NPAS2: variants seen among roughly 807,000 people sequenced by gnomAD.
The protein encoded by NPAS2 is neuronal PAS domain protein 2.
NPAS2 carries 23 observed loss-of-function variants against 107.5 expected under a neutral mutation model. The ratio of observed to expected loss-of-function variants is 0.21; its 90% CI spans 0.15 to 0.30. NPAS2 has a LOEUF of 0.30. Among genes scored for constraint, NPAS2 ranks in the 10% least tolerant of loss-of-function variants. The probability of loss-of-function intolerance (pLI) is 1.00; values close to 1 mark genes in which losing one functional copy is unlikely to be tolerated. For synonymous variants in NPAS2, 403 were observed against 417.5 expected (o/e 0.97, Z 0.42); for missense variants, 756 against 1,043.3 (o/e 0.72, Z 3.79).
rs1676525065 is a variant in NPAS2 at position 100,971,167 on chromosome 2, A to G, written c.1140+93A>G. 7.5e-6 allele frequency: 9 copies of G among 1,197,120 alleles called. 1 individual carries two copies. In the South Asian group the frequency reaches 1.1e-4, roughly 14 times the overall value. 74.2% of individuals were successfully genotyped at this position (1,197,120 alleles called of 1,614,324 possible). Reference sequence around the variant, plus strand: ...CTGAAACAAGGGTTTCTTTTCATCAATGGAAGGGTACAACCAAGCTATTCA... The same window carrying G: ...CTGAAACAAGGGTTTCTTTTCATCAGTGGAAGGGTACAACCAAGCTATTCA... On this transcript the variant is annotated intron_variant, in intron 12 of 20. Transcript: ENST00000335681.
At chr2:100,875,927 T>C (rs959219971) in intron 1 of NPAS2, among the ~76,000 whole-genome samples, 5 of 151,976 alleles carry the variant, frequency 3.3e-5, no homozygotes, top group Non-Finnish European at 5.9e-5. Context: ...AGAAGGGAAA[T>C]GGGAGGATGG....
At chr2:100,957,870 G>A (rs1287999011) in intron 7 of NPAS2, among the ~76,000 whole-genome samples, 4 of 152,228 alleles carry the variant, frequency 2.6e-5, no homozygotes, top group East Asian at 1.9e-4. Flanking sequence ...GGAGCTTGCC[G>A]TGAGCTGAGA....
chr2:100,906,744 A>G (rs1376036270), intron 2 of NPAS2, among the ~76,000 whole-genome samples: 1 of 152,194 alleles, frequency 6.6e-6, no homozygotes, highest in African/African-American at 2.4e-5. Flanking sequence ...GGTAGCCAGC[A>G]TTCGCTGGGT....
At chr2:100,939,632 C>T (rs1327235817) in intron 5 of NPAS2, among the ~76,000 whole-genome samples, 1 of 152,078 alleles carries the variant, frequency 6.6e-6, no homozygotes, top group Non-Finnish European at 1.5e-5. Context: ...GGCAAGGGCT[C>T]GGCAGTGGTA....
intron 1 of NPAS2, among the ~76,000 whole-genome samples, chr2:100,883,703 A>G (rs1224522657): frequency 1.3e-5 from 2 of 152,104 alleles, no homozygotes; most frequent in East Asian, 1.9e-4. Context: ...AGAATAGTAC[A>G]TGAGCTAAAC....
chr2:100,949,712 C>T lies in NPAS2; in HGVS notation c.598+232C>T, dbSNP rs536978166. On this transcript the variant is annotated intron_variant, in intron 7 of 20. Transcript: ENST00000335681. Reference sequence around the variant, plus strand: ...CAGTGCACACAGTCCCACTGAAACACACATTATTCATTTATTTATCTTCGG... The same window carrying T: ...CAGTGCACACAGTCCCACTGAAACATACATTATTCATTTATTTATCTTCGG... Among the ~76,000 whole-genome samples, 5 of 152,300 alleles carry T rather than the reference C, an allele frequency of 3.3e-5. No individual in the cohort carries two copies. The South Asian group carries it at 8.3e-4, about 25-fold the overall frequency.
intron 4 of NPAS2, among the ~76,000 whole-genome samples, chr2:100,934,432 C>A (rs1684176692): frequency 6.6e-6 from 1 of 151,912 alleles, no homozygotes; most frequent in Non-Finnish European, 1.5e-5. Flanking sequence ...ATTCAGGAGA[C>A]TGGAATTTCT....
chr2:100,839,111 T>C (rs2104409585), intron 1 of NPAS2, among the ~76,000 whole-genome samples: 1 of 152,262 alleles, frequency 6.6e-6, no homozygotes, highest in East Asian at 1.9e-4. Context: ...ATGATGAGGA[T>C]GAAGACTTGT....
chr2:100,985,574 T>C (rs754084120), intron 16 of NPAS2: 3 of 152,258 alleles, frequency 2.0e-5, no homozygotes, highest in African/African-American at 7.2e-5. Flanking sequence ...CATTCATACA[T>C]GCATTTATTC....
Position 100,970,039 on chromosome 2 carries a change from T to C in NPAS2, c.1056-951T>C, listed in dbSNP as rs578166628. Among the ~76,000 whole-genome samples the C allele has an allele frequency of 7.2e-5, 11 of 152,260 alleles. No homozygotes were observed. In the South Asian group the frequency reaches 2.3e-3, roughly 32 times the overall value. ...AACACGCAGAAGAGGGGAGAAACAC[T>C]AGTTTTCAGCAGCAAATGACCCTGA... On this transcript the variant is annotated intron_variant, in intron 11 of 20. Transcript: ENST00000335681.
intron 16 of NPAS2, chr2:100,985,530 T>C (rs1677730484): frequency 6.6e-6 from 1 of 152,264 alleles, no homozygotes; most frequent in African/African-American, 2.4e-5. Flanking sequence ...TAGTTTGCCC[T>C]TCTCTGAGTG....
intron 2 of NPAS2, among the ~76,000 whole-genome samples, chr2:100,917,529 AAAAAATAAT>A (rs1682963448): frequency 6.6e-6 from 1 of 152,166 alleles, no homozygotes; most frequent in African/African-American, 2.4e-5. Flanking sequence ...ACTCCATCTA[AAAAAATAAT>A]AAAAATAATA....
chr2:100,932,087 A>G (rs1470910261), intron 3 of NPAS2, among the ~76,000 whole-genome samples: 2 of 152,232 alleles, frequency 1.3e-5, no homozygotes, highest in African/African-American at 4.8e-5. Context: ...CTCTTACTAC[A>G]TGAAATGGAG....
rs983761729 is a variant in NPAS2, at chr2:100,820,470, G to C, written c.-23+56G>C. 1 of 151,414 alleles carries C rather than the reference G, an allele frequency of 6.6e-6. No homozygotes were observed. The highest frequency in any genetic ancestry group is 1.5e-5 in the Non-Finnish European group (1 of 67,840). 9.4% of individuals were successfully genotyped at this position (151,414 alleles called of 1,614,324 possible). Reference sequence around the variant, plus strand: ...CCCAGGGTGGGTAGTACGTGCGCGCGGGGTCGCAGGACTCGGTCACCTGCT... The same window carrying C: ...CCCAGGGTGGGTAGTACGTGCGCGCCGGGTCGCAGGACTCGGTCACCTGCT... On this transcript the variant is annotated intron_variant, in intron 1 of 20. Transcript: ENST00000335681. This position sits in a 1 kb window ranked among gnomAD's most constrained non-coding sequence, Gnocchi z 5.6.
intron 1 of NPAS2, among the ~76,000 whole-genome samples, chr2:100,839,937 T>C (rs1387403416): frequency 6.6e-6 from 1 of 152,170 alleles, no homozygotes; most frequent in Non-Finnish European, 1.5e-5. Context: ...TTTGATGGAA[T>C]TTAGGATTAA....
chr2:100,979,502 A>ATATATTT (rs1403246843), intron 15 of NPAS2, among the ~76,000 whole-genome samples: 1 of 43,316 alleles, frequency 2.3e-5, no homozygotes, highest in African/African-American at 9.9e-5. Flanking sequence ...ATATATATAT[A>ATATATTT]TTTTTTTTTT....
intron 1 of NPAS2, among the ~76,000 whole-genome samples, chr2:100,854,158 C>CAAAA (rs70943046): frequency 0.013 from 759 of 59,284 alleles, no homozygotes; most frequent in Non-Finnish European, 0.014. Context: ...CCTGCCTCAA[C>CAAAA]AAAAAAAAAA....
intron 15 of NPAS2, among the ~76,000 whole-genome samples, chr2:100,981,585 C>T (rs2105277740): frequency 6.6e-6 from 1 of 152,240 alleles, no homozygotes; most frequent in African/African-American, 2.4e-5. Flanking sequence ...ACCCCGAGGT[C>T]AGTCACACTG....
At chr2:100,870,383 G>C (rs1211773473) in intron 1 of NPAS2, among the ~76,000 whole-genome samples, 1 of 151,948 alleles carries the variant, frequency 6.6e-6, no homozygotes, top group East Asian at 1.9e-4. Context: ...CAACTTCTCT[G>C]CTTAGTTCTC....
Sources: gnomAD v4.1 joint callset for allele counts (sites outside exome capture counted in the v4.1 genomes callset) on GRCh38, gnomAD v4.1.1 for gene constraint, Gnocchi (gnomAD v3.1) non-coding constraint, MANE v1.5 for transcripts, NCBI Gene and HGNC (gene_info 2026-07-23, HGNC 2026-07-21) for gene names.